Variants in KIF3B observed in about 807,000 individuals in gnomAD.
KIF3B encodes the protein kinesin family member 3B, also known as kinesin-like protein KIF3B.
Under a neutral mutation model 74.3 loss-of-function variants are expected in KIF3B, and 38 were observed. The ratio of observed to expected loss-of-function variants is 0.51; its 90% CI spans 0.39 to 0.67. KIF3B has a LOEUF of 0.67. Ranked by LOEUF, KIF3B falls within the 30% of genes least tolerant of loss-of-function variation. KIF3B has a pLI of 0.00. For missense variants in KIF3B, 649 were observed against 932.0 expected, an observed-to-expected ratio of 0.70 and a Z score of 3.95; for synonymous variants, 326 against 342.5, an observed-to-expected ratio of 0.95 and a Z score of 0.53.
In KIF3B at chr20:32,316,586, A is replaced by G; in HGVS notation, c.1566A>G (p.Glu522=). The G allele has an allele frequency of 1.2e-6, 2 of 1,614,116 alleles. No individual in the cohort carries two copies. The highest frequency in any genetic ancestry group is 2.2e-5 in the South Asian group (2 of 91,078). The change falls in exon 4 of 9, where the codon GAA becomes GAG. Residue 522 remains glutamate (E), a synonymous_variant. Coordinates refer to ENST00000375712, the MANE Select transcript of KIF3B (RefSeq NM_004798.4). ...AAAGTCGAGATGAGGAGACCTTGGA[A>G]CTTAAAGAGACATACAGCTCATTGC... The part of the protein sequence containing the change: ...QMESRDEETL[E]LKETYSSLQQ...
At chr20:32,317,097 C>T (rs1161061075) in intron 5 of KIF3B, among the ~76,000 whole-genome samples, 2 of 145,998 alleles carry the variant, frequency 1.4e-5, no homozygotes, top group East Asian at 2.3e-4. Flanking sequence ...ATTAGCTGGG[C>T]GTGGTGGTGC....
At chr20:32,293,846 TGTATATATGC>T (rs1459950110) in intron 1 of KIF3B, among the ~76,000 whole-genome samples, 2 of 152,218 alleles carry the variant, frequency 1.3e-5, no homozygotes, top group African/African-American at 4.8e-5. Context: ...GACATACACA[TGTATATATGC>T]GTATATATCA....
At chr20:32,319,576 G>GTTTT (rs1231130100) in intron 5 of KIF3B, among the ~76,000 whole-genome samples, 11 of 98,330 alleles carry the variant, frequency 1.1e-4, no homozygotes, top group South Asian at 3.4e-4. Flanking sequence ...TTTTTGTTTT[G>GTTTT]TTTTTGTTTT....
At chr20:32,281,805 G>A (rs1317754591) in intron 1 of KIF3B, among the ~76,000 whole-genome samples, 1 of 152,180 alleles carries the variant, frequency 6.6e-6, no homozygotes, top group African/African-American at 2.4e-5. Context: ...TCCCAGGGAC[G>A]GGCCAGCCAT....
intron 1 of KIF3B, among the ~76,000 whole-genome samples, chr20:32,297,315 TC>T (rs2047721523): frequency 6.6e-6 from 1 of 152,204 alleles, no homozygotes; most frequent in Admixed American, 6.5e-5. Flanking sequence ...GCAGGGTTGT[TC>T]CTGGGGAATT....
intron 8 of KIF3B, 69 bp downstream of exon 8, chr20:32,330,388 C>A: frequency 7.1e-7 from 1 of 1,402,318 alleles, no homozygotes; most frequent in Non-Finnish European, 9.9e-7. Flanking sequence ...AGCAAGAATG[C>A]TTGTTTATCA....
At chr20:32,303,193 T>C (rs1229703859) in intron 1 of KIF3B, among the ~76,000 whole-genome samples, 3 of 152,204 alleles carry the variant, frequency 2.0e-5, no homozygotes, top group Admixed American at 6.6e-5. Flanking sequence ...TTAGTTCTTA[T>C]TGAACATCAA....
chr20:32,322,790 T>TTA (rs1168388598), intron 5 of KIF3B, among the ~76,000 whole-genome samples: 3 of 62,532 alleles, frequency 4.8e-5, no homozygotes, highest in South Asian at 4.7e-4. Flanking sequence ...TTATATATAT[T>TTA]TATATATATA....
At chr20:32,305,191 A>G (rs577926357) in intron 1 of KIF3B, among the ~76,000 whole-genome samples, 2 of 151,666 alleles carry the variant, frequency 1.3e-5, no homozygotes, top group Admixed American at 6.6e-5. Flanking sequence ...CATGAATTAC[A>G]TGTTTTTAAA....
chr20:32,282,928 C>G (rs540938564), intron 1 of KIF3B, among the ~76,000 whole-genome samples: 3 of 152,306 alleles, frequency 2.0e-5, no homozygotes, highest in Admixed American at 2.0e-4. Flanking sequence ...GTTATGTATT[C>G]CAGTAACTGT....
chr20:32,287,804 A>G (rs942406541), intron 1 of KIF3B, among the ~76,000 whole-genome samples: 1 of 151,842 alleles, frequency 6.6e-6, no homozygotes, highest in African/African-American at 2.4e-5. Flanking sequence ...GGTTTGTGAA[A>G]AGTTTGAACT....
At position 32,326,762 on chromosome 20, in the gene KIF3B, C is replaced by T. The variant is rs1485607445; in HGVS notation, c.1749-9C>T. 1 of 1,049,484 alleles carries T rather than the reference C, an allele frequency of 9.5e-7. No homozygotes were observed. Among genetic ancestry groups the T allele is most frequent in the East Asian group, 2.4e-5 (1 of 42,350 alleles). The allele number at this position is 1,049,484 out of a possible 1,614,324, so 65.0% of individuals were successfully genotyped here. On this transcript the variant is annotated splice_polypyrimidine_tract_variant and intron_variant, in intron 5 of 8. Transcript: ENST00000375712. ...TATCTGTTTTCACCTGTTATGTGTG[C>T]TCTTACAGGCATCTTATTATAGAAA...
intron 5 of KIF3B, 39 bp downstream of exon 5, chr20:32,316,913 G>A (rs184402202): frequency 7.2e-7 from 1 of 1,391,942 alleles, no homozygotes; most frequent in South Asian, 1.2e-5. Context: ...CAAGCCACTT[G>A]CTGAGTCATT....
At chr20:32,307,649 A>G (rs1358301675) in intron 1 of KIF3B, among the ~76,000 whole-genome samples, 1 of 152,210 alleles carries the variant, frequency 6.6e-6, no homozygotes, top group Non-Finnish European at 1.5e-5. Flanking sequence ...GTTCAAGAGA[A>G]TATAAGACTT....
At position 32,331,244 on chromosome 20, in the gene KIF3B, G is replaced by A. The variant is rs757054577; in HGVS notation, c.2169G>A (p.Ser723=). 12 of 1,613,324 alleles carry A rather than the reference G, an allele frequency of 7.4e-6. No homozygotes were observed. Among genetic ancestry groups the A allele is most frequent in the African/African-American group, 6.7e-5 (5 of 74,824 alleles). The change falls in exon 9 of 9, where the codon TCG becomes TCA. Residue 723 remains serine, a synonymous_variant. Coordinates refer to ENST00000375712, the MANE Select transcript of KIF3B (RefSeq NM_004798.4). ...SKARPKSGRK[S]GSSSSSSGTP... ...GCAGGCCTAAAAGTGGAAGGAAGTCGGGATCCTCCTCCTCTTCCTCAGGAA... is the reference window on the plus strand; with the variant it reads ...GCAGGCCTAAAAGTGGAAGGAAGTCAGGATCCTCCTCCTCTTCCTCAGGAA...
intron 1 of KIF3B, among the ~76,000 whole-genome samples, chr20:32,284,178 A>G (rs191265979): frequency 2.6e-5 from 4 of 152,070 alleles, no homozygotes; most frequent in Admixed American, 1.3e-4. Context: ...GCTTCAAGCA[A>G]TCTTCCTGCC....
intron 1 of KIF3B, among the ~76,000 whole-genome samples, chr20:32,289,931 T>A (rs950750301): frequency 6.6e-6 from 1 of 152,268 alleles, no homozygotes; most frequent in East Asian, 1.9e-4. Context: ...TCTGTTTTTT[T>A]TCTCCTGCAA....
chr20:32,306,122 C>T (rs945466979), intron 1 of KIF3B, among the ~76,000 whole-genome samples: 2 of 145,940 alleles, frequency 1.4e-5, no homozygotes, highest in South Asian at 2.2e-4. Context: ...TTGCCGGGTG[C>T]GGTGGCTCAT....
chr20:32,297,377 G>C (rs2047721755), intron 1 of KIF3B, among the ~76,000 whole-genome samples: 1 of 152,186 alleles, frequency 6.6e-6, no homozygotes, highest in South Asian at 2.1e-4. Flanking sequence ...TCATTAAAGA[G>C]AATTTGGAAA....
Sources: allele counts gnomAD v4.1 joint callset (sites outside exome capture counted in the v4.1 genomes callset), GRCh38; gene constraint gnomAD v4.1.1; transcripts MANE v1.5; gene names NCBI Gene and HGNC (gene_info 2026-07-23, HGNC 2026-07-21).